The following PPP4R3B variants were observed in gnomAD, a reference collection of about 807,000 sequenced individuals.
PPP4R3B encodes the protein protein phosphatase 4 regulatory subunit 3B, also known as serine/threonine-protein phosphatase 4 regulatory subunit 3B.
In PPP4R3B, 52 loss-of-function variants were observed where a neutral mutation model predicts 95.4. That is an observed-to-expected ratio of 0.54 (90% CI 0.44 to 0.69). The LOEUF is 0.69. Among genes scored for constraint, PPP4R3B ranks in the 30% least tolerant of loss-of-function variants. The pLI, the probability that PPP4R3B is intolerant of heterozygous loss-of-function variation, is 0.00. For missense variants in PPP4R3B, 1,003 were observed against 1,005.9 expected, an observed-to-expected ratio of 1.00 and a Z score of 0.04; for synonymous variants, 407 against 343.9, an observed-to-expected ratio of 1.18 and a Z score of -2.03.
intron 2 of PPP4R3B, among the ~76,000 whole-genome samples, chr2:55,609,008 G>A (rs1322487932): frequency 4.6e-5 from 7 of 152,060 alleles, no homozygotes; most frequent in African/African-American, 1.2e-4. Flanking sequence ...AATTCCAAAC[G>A]AAAAGATAGT....
At chr2:55,576,101 C>T (rs1688625330) in intron 11 of PPP4R3B, among the ~76,000 whole-genome samples, 2 of 152,276 alleles carry the variant, frequency 1.3e-5, no homozygotes, top group South Asian at 2.1e-4. Flanking sequence ...AATCCCAGCA[C>T]TTTGGGAGGC....
intron 16 of PPP4R3B, 39 bp downstream of exon 16, chr2:55,558,736 G>T: frequency 7.2e-7 from 1 of 1,392,598 alleles, no homozygotes; most frequent in East Asian, 2.6e-5. Flanking sequence ...TCTCACAGAC[G>T]GGAAAAGCAA....
chr2:55,598,808 G>A lies in PPP4R3B; in HGVS notation c.529C>T (p.Gln177Ter). 6.2e-7 allele frequency: 1 copy of A among 1,614,232 alleles called. No individual in the cohort carries two copies. Among genetic ancestry groups the A allele is most frequent in the Non-Finnish European group, 8.5e-7 (1 of 1,180,036 alleles). The change falls in exon 4 of 17, where the codon CAG (glutamine) becomes TAG (stop). Residue 177 changes from glutamine to a stop codon, truncating the protein, a stop_gained. Transcript: ENST00000616407. LOFTEE classifies it high-confidence loss of function. Reference sequence around the variant, plus strand: ...AGGTTCTCGCAAGCTTGGAACAGCTGCAATAGTTTTTTAATATAGCCTTCA... The same window carrying A: ...AGGTTCTCGCAAGCTTGGAACAGCTACAATAGTTTTTTAATATAGCCTTCA... ...ENEGYIKKLL[Q>*]LFQACENLEN...
intron 2 of PPP4R3B, among the ~76,000 whole-genome samples, chr2:55,605,441 G>A (rs530149294): frequency 6.6e-6 from 1 of 152,104 alleles, no homozygotes; most frequent in Non-Finnish European, 1.5e-5. Context: ...AACAGTAAAT[G>A]AAAAATATTA....
At chr2:55,583,923 G>A (rs1689754854) in intron 7 of PPP4R3B, among the ~76,000 whole-genome samples, 1 of 152,152 alleles carries the variant, frequency 6.6e-6, no homozygotes, top group South Asian at 2.1e-4. Context: ...CTTAACAAGT[G>A]GATCGCACAT....
intron 12 of PPP4R3B, among the ~76,000 whole-genome samples, chr2:55,568,906 A>G (rs1023549369): frequency 1.3e-5 from 2 of 152,040 alleles, no homozygotes; most frequent in South Asian, 2.1e-4. Flanking sequence ...AAATACAGCT[A>G]AAGTGTGGGC....
chr2:55,564,273 A>G lies in PPP4R3B; in HGVS notation c.2260+40T>C, dbSNP rs752479091. 8.5e-6 allele frequency: 13 copies of G among 1,533,772 alleles called. No homozygotes were observed. The South Asian group carries it at 1.0e-4, about 12-fold the overall frequency. ...AGCAACAAAATAATTTCTGCACTAA[A>G]TAAGAGGGTACACTGTGCAAAAATT... On this transcript the variant is annotated intron_variant, in intron 15 of 16. Transcript: ENST00000616407.
intron 16 of PPP4R3B, among the ~76,000 whole-genome samples, chr2:55,551,926 A>T (rs1685298256): frequency 6.6e-6 from 1 of 152,208 alleles, no homozygotes; most frequent in Admixed American, 6.5e-5. Context: ...ACAAGAAATA[A>T]TTCTGGTATA....
chr2:55,597,013 C>T (rs1691879256), intron 4 of PPP4R3B, among the ~76,000 whole-genome samples: 1 of 151,962 alleles, frequency 6.6e-6, no homozygotes, highest in Non-Finnish European at 1.5e-5. Flanking sequence ...ATATAATAGG[C>T]AAATTCATAA....
At chr2:55,599,961 T>G (rs1414166785) in intron 3 of PPP4R3B, among the ~76,000 whole-genome samples, 2 of 152,220 alleles carry the variant, frequency 1.3e-5, no homozygotes, top group African/African-American at 4.8e-5. Flanking sequence ...CATTTCCATA[T>G]GTACTTCTAA....
At position 55,564,964 on chromosome 2, in the gene PPP4R3B, T is replaced by G; in HGVS notation, c.2013A>C (p.Thr671=). 1.9e-6 allele frequency: 3 copies of G among 1,610,920 alleles called. No individual in the cohort carries two copies. The highest frequency in any genetic ancestry group is 2.5e-6 in the Non-Finnish European group (3 of 1,178,818). ...CATATTTAGTCTTCAATCCTTTGAA[T>G]GTCTGAACATATTCAATCGATTCAA... is the stretch of plus-strand genomic sequence containing the variant. The part of the protein sequence containing the change: ...KALESIEYVQ[T]FKGLKTKYEQ... The change falls in exon 14 of 17, where the codon ACA becomes ACC. Residue 671 remains threonine, a synonymous_variant. Transcript: ENST00000616407.
At chr2:55,601,383 TC>T (rs1692587229) in intron 3 of PPP4R3B, among the ~76,000 whole-genome samples, 1 of 151,428 alleles carries the variant, frequency 6.6e-6, no homozygotes, top group Non-Finnish European at 1.5e-5. Context: ...ACTGTCTTTT[TC>T]TTTTTTTTTT....
rs1202470297 is a variant in PPP4R3B, at chr2:55,562,061, G to A, written c.2260+2252C>T. ...GTGTTGGAGGAGATGACTGAATCAT[G>A]GAGGCAGAAAACCCCCTTGCTATTT... is the stretch of plus-strand genomic sequence containing the variant. On this transcript the variant is annotated intron_variant, in intron 15 of 16. Coordinates refer to ENST00000616407, the MANE Select transcript of PPP4R3B (RefSeq NM_001122964.3). Among the ~76,000 whole-genome samples, 4 of 152,264 alleles carry A rather than the reference G, an allele frequency of 2.6e-5. No homozygotes were observed. In the East Asian group the frequency reaches 7.7e-4, roughly 29 times the overall value.
intron 15 of PPP4R3B, among the ~76,000 whole-genome samples, chr2:55,562,843 C>A (rs1405441262): frequency 6.6e-6 from 1 of 152,202 alleles, no homozygotes; most frequent in Non-Finnish European, 1.5e-5. Context: ...GTAGCTTCCA[C>A]TCACTGACTC....
In PPP4R3B at chr2:55,616,808, G is replaced by A. The variant is rs181584649; in HGVS notation, c.142+336C>T. ...GACGTATAATGGATAAGTAAATAAAGGGGGAGGAAGGTGTCAGCTCCTAGG... is the reference window on the plus strand; with the variant it reads ...GACGTATAATGGATAAGTAAATAAAAGGGGAGGAAGGTGTCAGCTCCTAGG... On this transcript the variant is annotated intron_variant, in intron 1 of 16. Transcript: ENST00000616407. Among the ~76,000 whole-genome samples, 152 of 152,186 alleles carry A rather than the reference G, an allele frequency of 1.0e-3. 1 individual carries two copies. The highest frequency in any genetic ancestry group is 2.8e-3 in the African/African-American group (118 of 41,526).
chr2:55,588,515 G>GAAAAAAA (rs11376018), intron 5 of PPP4R3B, among the ~76,000 whole-genome samples: 2 of 94,808 alleles, frequency 2.1e-5, no homozygotes, highest in Admixed American at 1.1e-4. Context: ...CTCCATCTCA[G>GAAAAAAA]AAAAAAAAAA....
In PPP4R3B at chr2:55,598,495, G is replaced by A; in HGVS notation, c.842C>T (p.Ser281Phe). Reference protein sequence around the residue: ...YIQDIILPTPSVFEENFLSTL... With the variant: ...YIQDIILPTPFVFEENFLSTL... ...AGAAAGAAAATTCTCTTCAAAAACA[G>A]ATGGTGTGGGCAAAATGATGTCCTG... is the stretch of plus-strand genomic sequence containing the variant. The change falls in exon 4 of 17, where the codon TCT becomes TTT. Residue 281 changes from serine (S) to phenylalanine (F), a missense_variant. This residue lies in a region of PPP4R3B where 695 missense variants were observed against 686.2 expected (regional missense o/e 1.01). Coordinates refer to ENST00000616407, the MANE Select transcript of PPP4R3B (RefSeq NM_001122964.3). 1 of 1,614,172 alleles carries A rather than the reference G, an allele frequency of 6.2e-7. No individual in the cohort carries two copies. Among genetic ancestry groups the A allele is most frequent in the South Asian group, 1.1e-5 (1 of 91,082 alleles).
Position 55,549,171 on chromosome 2 carries a change from T to A in PPP4R3B, c.*740A>T, listed in dbSNP as rs1382238260. On this transcript the variant is annotated 3_prime_UTR_variant, in exon 17 of 17. Coordinates refer to ENST00000616407, the MANE Select transcript of PPP4R3B (RefSeq NM_001122964.3). ...TCTGTTCGATCTACTTTCAAATTTC[T>A]AGAGAAAATCATTTTGGAATACTAC... is the stretch of plus-strand genomic sequence containing the variant. The A allele has an allele frequency of 6.6e-6, 1 of 152,306 alleles. No homozygotes were observed. The highest frequency in any genetic ancestry group is 1.9e-4 in the East Asian group (1 of 5,202). 9.4% of individuals were successfully genotyped at this position (152,306 alleles called of 1,614,324 possible). A position where few individuals can be genotyped will look rare whatever the true frequency, so the allele number is the denominator to read the frequency against.
At chr2:55,604,888 A>G (rs1306596351) in intron 2 of PPP4R3B, among the ~76,000 whole-genome samples, 1 of 152,086 alleles carries the variant, frequency 6.6e-6, no homozygotes, top group Non-Finnish European at 1.5e-5. Context: ...TGACCAGACT[A>G]GAGTGTAGGG....
Sources: gnomAD v4.1 joint callset for allele counts (sites outside exome capture counted in the v4.1 genomes callset) on GRCh38, gnomAD v4.1.1 for gene constraint, gnomAD v4.1.1 regional missense constraint, MANE v1.5 for transcripts, NCBI Gene and HGNC (gene_info 2026-07-23, HGNC 2026-07-21) for gene names.